JAK1: variants seen among roughly 807,000 people sequenced by gnomAD.
JAK1 encodes tyrosine-protein kinase JAK1.
JAK1 carries 16 observed loss-of-function variants against 136.6 expected under a neutral mutation model. The ratio of observed to expected loss-of-function variants is 0.12; its 90% CI spans 0.08 to 0.18. JAK1 has a LOEUF of 0.18. Among genes scored for constraint, JAK1 ranks in the 10% least tolerant of loss-of-function variants. JAK1 has a pLI of 1.00. For missense variants in JAK1, 859 were observed against 1,450.1 expected, an observed-to-expected ratio of 0.59 and a Z score of 6.62; for synonymous variants, 492 against 519.5, an observed-to-expected ratio of 0.95 and a Z score of 0.72.
chr1:64,895,472 G>A (rs1263502009), intron 1 of JAK1, among the ~76,000 whole-genome samples: 1 of 152,110 alleles, frequency 6.6e-6, no homozygotes, highest in African/African-American at 2.4e-5. Context: ...TTTTATTTCA[G>A]CAAATATAAG....
At chr1:64,853,764 C>T (rs1323405316) in intron 11 of JAK1, among the ~76,000 whole-genome samples, 2 of 98,206 alleles carry the variant, frequency 2.0e-5, no homozygotes, top group African/African-American at 1.5e-4. Context: ...CCAGCAGCTC[C>T]TGCTACCTGT....
At chr1:64,942,902 G>C (rs1645916483) in intron 1 of JAK1, among the ~76,000 whole-genome samples, 1 of 151,874 alleles carries the variant, frequency 6.6e-6, no homozygotes, top group African/African-American at 2.4e-5. Context: ...AAAAGAAAAA[G>C]GCCAAATGAA....
At chr1:65,007,921 T>C (rs1004581756) in intron 2 of JAK1, among the ~76,000 whole-genome samples, 4 of 151,844 alleles carry the variant, frequency 2.6e-5, no homozygotes, top group African/African-American at 9.7e-5. Flanking sequence ...AATTTTTGTA[T>C]TTTTAGTAGA....
At chr1:65,067,739 T>C (rs1242549139), upstream of JAK1, 2 of 144,952 alleles carry the variant, frequency 1.4e-5, no homozygotes, top group Admixed American at 1.4e-4. Context: ...CTCTGCCATG[T>C]GATAGATGGC....
intron 1 of JAK1, among the ~76,000 whole-genome samples, chr1:64,906,226 G>A (rs1232778260): frequency 6.6e-6 from 1 of 151,544 alleles, no homozygotes; most frequent in East Asian, 1.9e-4. Context: ...CCTGGGAGGC[G>A]GGAGCTGCAG....
At chr1:64,836,569 T>G (rs1376863794) in intron 22 of JAK1, among the ~76,000 whole-genome samples, 2 of 152,172 alleles carry the variant, frequency 1.3e-5, no homozygotes, top group African/African-American at 4.8e-5. Context: ...AGCAGTGGCC[T>G]CACTGCACAA....
chr1:64,924,288 C>G (rs930791472), intron 1 of JAK1, among the ~76,000 whole-genome samples: 2 of 152,006 alleles, frequency 1.3e-5, no homozygotes, highest in African/African-American at 4.8e-5. Context: ...GCAAAAAGTC[C>G]GTTACATAAA....
At chr1:64,986,130 A>C in intron 2 of JAK1, 2 of 637,982 alleles carry the variant, frequency 3.1e-6, no homozygotes, top group East Asian at 4.2e-5. Flanking sequence ...TTTTGGACAG[A>C]GTTTCACTCT....
chr1:64,853,577 A>C (rs1291025493), intron 11 of JAK1, among the ~76,000 whole-genome samples: 1 of 98,316 alleles, frequency 1.0e-5, no homozygotes, highest in Non-Finnish European at 2.0e-5. Context: ...GTTCTTATTA[A>C]TTATTACTAC....
chr1:64,949,295 G>A (rs908176058), intron 1 of JAK1, among the ~76,000 whole-genome samples: 5 of 152,184 alleles, frequency 3.3e-5, no homozygotes, highest in Admixed American at 6.5e-5. Context: ...ATACATCACT[G>A]TCTTAGGGAA....
At chr1:64,961,914 T>G (rs1189212059) in intron 1 of JAK1, among the ~76,000 whole-genome samples, 2 of 152,204 alleles carry the variant, frequency 1.3e-5, no homozygotes. Flanking sequence ...CTTATCCTTC[T>G]GCCAGGCACT....
chr1:64,939,982 T>C (rs1645858945), intron 1 of JAK1, among the ~76,000 whole-genome samples: 1 of 152,212 alleles, frequency 6.6e-6, no homozygotes, highest in African/African-American at 2.4e-5. Flanking sequence ...TAAATGCTGC[T>C]GAATTTCATA....
chr1:64,941,710 C>A (rs1645892738), intron 1 of JAK1, among the ~76,000 whole-genome samples: 3 of 152,172 alleles, frequency 2.0e-5, no homozygotes, highest in Non-Finnish European at 4.4e-5. Flanking sequence ...ATGACTAAAC[C>A]TGGGTCTCAA....
At chr1:65,059,607 C>T (rs914186216) in intron 1 of JAK1, among the ~76,000 whole-genome samples, 1 of 152,084 alleles carries the variant, frequency 6.6e-6, no homozygotes, top group Non-Finnish European at 1.5e-5. Flanking sequence ...ACCTTTGAGA[C>T]GTACTCTGAA....
At position 65,054,326 on chromosome 1, in the gene JAK1, TTAATAC is replaced by T. The variant is rs561986986; in HGVS notation, c.-180-9750_-180-9745del. On this transcript the variant is annotated intron_variant, in intron 1 of 25. Coordinates refer to the JAK1 transcript ENST00000671954. ...ACCAGGATACTTTTTAAAACTATAC[TTAATAC>T]TATTATTTCATATATTGTATGTTTA... 2.1e-3 allele frequency among the ~76,000 whole-genome samples: 319 copies of T among 152,274 alleles called. 1 individual carries two copies. The highest frequency in any genetic ancestry group is 7.3e-3 in the African/African-American group (305 of 41,564).
chr1:65,004,364 C>A (rs1646787001), intron 2 of JAK1, among the ~76,000 whole-genome samples: 1 of 152,232 alleles, frequency 6.6e-6, no homozygotes, highest in African/African-American at 2.4e-5. Context: ...CTCCCACTAA[C>A]CTTACTTTTG....
At chr1:64,922,968 T>C (rs1181035556) in intron 1 of JAK1, among the ~76,000 whole-genome samples, 1 of 152,196 alleles carries the variant, frequency 6.6e-6, no homozygotes, top group Non-Finnish European at 1.5e-5. Flanking sequence ...GTGGAAATCA[T>C]ACGTTAGGTA....
chr1:64,861,895 T>C (rs72675451), intron 8 of JAK1, among the ~76,000 whole-genome samples: 1 of 151,780 alleles, frequency 6.6e-6, no homozygotes, highest in African/African-American at 2.4e-5. Context: ...TTCAAGATGC[T>C]CTGAACAAGG....
At chr1:65,040,231 GAA>G (rs1647117641) in intron 2 of JAK1, among the ~76,000 whole-genome samples, 1 of 148,490 alleles carries the variant, frequency 6.7e-6, no homozygotes, top group African/African-American at 2.5e-5. Flanking sequence ...AAAAAAAAAA[GAA>G]GTCTGAAATT....
Sources: allele counts gnomAD v4.1 joint callset (sites outside exome capture counted in the v4.1 genomes callset), GRCh38; gene constraint gnomAD v4.1.1; transcripts MANE v1.5; gene names NCBI Gene and HGNC (gene_info 2026-07-23, HGNC 2026-07-21).